The following MICU1 variants were observed in gnomAD, a reference collection of about 807,000 sequenced individuals.
The protein encoded by MICU1 is calcium uptake protein 1, mitochondrial.
A neutral mutation model predicts 56.8 loss-of-function variants in MICU1; 45 were observed. The observed-to-expected ratio is 0.79, with a 90% CI of 0.62 to 1.02. The LOEUF (loss-of-function observed/expected upper bound fraction) is 1.02. Among genes scored for constraint, MICU1 ranks in the 50% least tolerant of loss-of-function variants. MICU1 has a pLI of 0.00. For missense variants in MICU1, 504 were observed against 587.1 expected (o/e 0.86, Z 1.46); for synonymous variants, 186 against 195.1 (o/e 0.95, Z 0.39).
At chr10:72,528,112 C>T (rs1267955027) in intron 5 of MICU1, among the ~76,000 whole-genome samples, 1 of 152,230 alleles carries the variant, frequency 6.6e-6, no homozygotes, top group African/African-American at 2.4e-5. Context: ...AGGCCTGAGC[C>T]TCTGGGCCTA....
intron 10 of MICU1, among the ~76,000 whole-genome samples, chr10:72,407,345 AT>A (rs746368498): frequency 6.6e-6 from 1 of 152,186 alleles, no homozygotes; most frequent in Non-Finnish European, 1.5e-5. Context: ...TGTGGATGTT[AT>A]TTAAATAATT....
chr10:72,579,627 G>A (rs1349352240), intron 1 of MICU1, among the ~76,000 whole-genome samples: 1 of 151,784 alleles, frequency 6.6e-6, no homozygotes, highest in Non-Finnish European at 1.5e-5. Context: ...AAGTACATAT[G>A]TGTGAATAGG....
At chr10:72,561,330 T>G (rs1482576922) in intron 3 of MICU1, among the ~76,000 whole-genome samples, 1 of 152,252 alleles carries the variant, frequency 6.6e-6, no homozygotes, top group Non-Finnish European at 1.5e-5. Context: ...AAAGTGTGAC[T>G]GGCCTGTAGA....
intron 9 of MICU1, among the ~76,000 whole-genome samples, chr10:72,421,610 C>T (rs11812792): frequency 0.64 from 97,489 of 152,000 alleles, 32,395 homozygotes; most frequent in African/African-American, 0.74. Flanking sequence ...GGGCAGCTGG[C>T]GTTGAAGGGT....
At chr10:72,566,124 A>C (rs1840432297) in intron 2 of MICU1, among the ~76,000 whole-genome samples, 1 of 143,630 alleles carries the variant, frequency 7.0e-6, no homozygotes, top group Admixed American at 7.5e-5. Context: ...GCTCACTGCA[A>C]CCTCCACCTG....
chr10:72,613,568 C>A (rs1841907301), intron 1 of MICU1, among the ~76,000 whole-genome samples: 1 of 152,028 alleles, frequency 6.6e-6, no homozygotes, highest in African/African-American at 2.4e-5. Context: ...TGAGCCACCA[C>A]ACCTGGCTAT....
chr10:72,382,196 G>A (rs1052924293), intron 10 of MICU1, among the ~76,000 whole-genome samples: 5 of 150,948 alleles, frequency 3.3e-5, no homozygotes, highest in Non-Finnish European at 5.9e-5. Flanking sequence ...TTGCAACCTC[G>A]CCTCCCGGGT....
At chr10:72,422,721 T>G (rs1340646024) in intron 9 of MICU1, among the ~76,000 whole-genome samples, 1 of 151,242 alleles carries the variant, frequency 6.6e-6, no homozygotes, top group East Asian at 1.9e-4. Context: ...GTATTCTTTT[T>G]TTTTTTTGAG....
intron 10 of MICU1, among the ~76,000 whole-genome samples, chr10:72,394,859 T>C (rs1449936711): frequency 6.6e-6 from 1 of 151,930 alleles, no homozygotes; most frequent in Admixed American, 6.6e-5. Context: ...ATCTATCTGT[T>C]AACAGCCTAA....
chr10:72,539,915 C>G (rs1027813939), intron 4 of MICU1, among the ~76,000 whole-genome samples: 2 of 152,058 alleles, frequency 1.3e-5, no homozygotes, highest in African/African-American at 4.8e-5. Context: ...CAACGTCTAC[C>G]AAATGTGAAG....
intron 5 of MICU1, among the ~76,000 whole-genome samples, chr10:72,514,992 C>T (rs928195285): frequency 2.0e-5 from 3 of 152,170 alleles, no homozygotes; most frequent in African/African-American, 7.2e-5. Flanking sequence ...CTGCCCCAGT[C>T]CCCTAAAAGC....
At chr10:72,403,365 A>T (rs963471918) in intron 10 of MICU1, among the ~76,000 whole-genome samples, 1 of 151,990 alleles carries the variant, frequency 6.6e-6, no homozygotes, top group Admixed American at 6.6e-5. Context: ...CAAAAAAAAA[A>T]ATTTTTTTTT....
At chr10:72,454,387 G>A (rs1865391505) in intron 8 of MICU1, among the ~76,000 whole-genome samples, 1 of 151,714 alleles carries the variant, frequency 6.6e-6, no homozygotes, top group Non-Finnish European at 1.5e-5. Flanking sequence ...CGGGGAGATG[G>A]AGGTTGTGGT....
chr10:72,397,848 C>T (rs143507988), intron 10 of MICU1, among the ~76,000 whole-genome samples: 55 of 152,152 alleles, frequency 3.6e-4, no homozygotes, highest in African/African-American at 1.2e-3. Context: ...ACTTTAACAC[C>T]CCACTGTCAA....
intron 8 of MICU1, among the ~76,000 whole-genome samples, chr10:72,470,739 A>G (rs1239007121): frequency 2.0e-5 from 3 of 152,150 alleles, no homozygotes; most frequent in African/African-American, 4.8e-5. Context: ...TAATGAAACC[A>G]TAGCACTAGA....
chr10:72,448,189 ATATATTTT>A (rs1447099441), intron 8 of MICU1, among the ~76,000 whole-genome samples: 2 of 55,316 alleles, frequency 3.6e-5, no homozygotes, highest in Non-Finnish European at 7.7e-5. Flanking sequence ...ATATATATAT[ATATATTTT>A]TTTTTTTTTT....
At position 72,404,172 on chromosome 10, in the gene MICU1, T is replaced by G. The variant is rs1166786999; in HGVS notation, c.1180+3757A>C. ...GCCTGACTAGTTTTTGTATTTTTAG[T>G]ACAAATGGAGTTTCACCCTGTTGGC... On this transcript the variant is annotated intron_variant, in intron 10 of 11. Transcript: ENST00000361114. 2.6e-5 allele frequency among the ~76,000 whole-genome samples: 4 copies of G among 151,682 alleles called. No homozygotes were observed. The East Asian group carries it at 7.8e-4, about 29-fold the overall frequency.
chr10:72,446,229 TC>T lies in MICU1; in HGVS notation c.934-22859del, dbSNP rs547508748. On this transcript the variant is annotated intron_variant, in intron 8 of 11. Transcript: ENST00000361114. ...TCAAAAAAAATTCAGAAGAGTTGGATCCTGAGTATGAAGAAATTTTAGACCA... is the reference window on the plus strand; with the variant it reads ...TCAAAAAAAATTCAGAAGAGTTGGATCTGAGTATGAAGAAATTTTAGACCA... Among the ~76,000 whole-genome samples, 4 of 152,290 alleles carry T rather than the reference TC, an allele frequency of 2.6e-5. No individual in the cohort carries two copies. In the South Asian group the frequency reaches 8.3e-4, roughly 32 times the overall value.
At chr10:72,388,941 T>G (rs1269886194) in intron 10 of MICU1, among the ~76,000 whole-genome samples, 3 of 152,258 alleles carry the variant, frequency 2.0e-5, no homozygotes, top group Non-Finnish European at 4.4e-5. Context: ...GTGGCTTCAT[T>G]TGATATTTTC....
Sources: gnomAD v4.1 joint callset for allele counts (sites outside exome capture counted in the v4.1 genomes callset) on GRCh38, gnomAD v4.1.1 for gene constraint, MANE v1.5 for transcripts, NCBI Gene and HGNC (gene_info 2026-07-23, HGNC 2026-07-21) for gene names.